The following TRAPPC9 variants were observed in gnomAD, a reference collection of about 807,000 sequenced individuals.
The protein encoded by TRAPPC9 is trafficking protein particle complex subunit 9.
A neutral mutation model predicts 124.0 loss-of-function variants in TRAPPC9; 83 were observed. The observed-to-expected ratio is 0.67, with a 90% confidence interval of 0.56 to 0.80. The LOEUF (loss-of-function observed/expected upper bound fraction) is 0.80. Among genes scored for constraint, TRAPPC9 ranks in the 30% least tolerant of loss-of-function variants. The pLI is 0.00. For missense variants in TRAPPC9, 1,302 were observed against 1,508.3 expected, an observed-to-expected ratio of 0.86 and a Z score of 2.27; for synonymous variants, 638 against 617.5, an observed-to-expected ratio of 1.03 and a Z score of -0.49.
chr8:140,188,493 T>G (rs2062400860), intron 17 of TRAPPC9, among the ~76,000 whole-genome samples: 1 of 152,202 alleles, frequency 6.6e-6, no homozygotes, highest in Non-Finnish European at 1.5e-5. Context: ...ACAAGCTTGT[T>G]TCTATGCACA....
intron 19 of TRAPPC9, among the ~76,000 whole-genome samples, chr8:139,924,373 G>A (rs1425013591): frequency 6.6e-6 from 1 of 152,174 alleles, no homozygotes; most frequent in African/African-American, 2.4e-5. Context: ...CCGGCCACAT[G>A]GAGCTGAAGG....
At chr8:140,407,052 TCA>T (rs1218094784) in intron 5 of TRAPPC9, among the ~76,000 whole-genome samples, 2 of 152,214 alleles carry the variant, frequency 1.3e-5, no homozygotes, top group Non-Finnish European at 2.9e-5. Flanking sequence ...CGACATTTTT[TCA>T]CACTCAGCGG....
At chr8:139,796,356 C>T (rs1489616938) in intron 21 of TRAPPC9, among the ~76,000 whole-genome samples, 3 of 152,320 alleles carry the variant, frequency 2.0e-5, no homozygotes, top group South Asian at 2.1e-4. Flanking sequence ...CCTCACTTTA[C>T]CTGGTAGGTA....
At chr8:140,041,215 A>C (rs1841257612) in intron 17 of TRAPPC9, among the ~76,000 whole-genome samples, 1 of 152,176 alleles carries the variant, frequency 6.6e-6, no homozygotes. Context: ...TGAAGAAGGG[A>C]GATTAGGAGA....
chr8:139,763,173 A>G (rs1158152363), intron 21 of TRAPPC9, among the ~76,000 whole-genome samples: 1 of 152,212 alleles, frequency 6.6e-6, no homozygotes, highest in Non-Finnish European at 1.5e-5. Context: ...TGTCTTCCTA[A>G]TAACTCTGGA....
At chr8:140,331,617 A>AATCATCATCAGC (rs1554669157) in intron 9 of TRAPPC9, among the ~76,000 whole-genome samples, 2 of 150,610 alleles carry the variant, frequency 1.3e-5, no homozygotes, top group Non-Finnish European at 3.0e-5. Context: ...AACAGCAAAA[A>AATCATCATCAGC]ATCATCATCA....
intron 17 of TRAPPC9, among the ~76,000 whole-genome samples, chr8:140,064,826 T>C (rs1842823601): frequency 6.6e-6 from 1 of 152,160 alleles, no homozygotes; most frequent in South Asian, 2.1e-4. Context: ...ATGGCCTGGA[T>C]GTGCTGCTAG....
At chr8:140,155,882 C>G (rs2061619926) in intron 17 of TRAPPC9, among the ~76,000 whole-genome samples, 1 of 152,166 alleles carries the variant, frequency 6.6e-6, no homozygotes, top group South Asian at 2.1e-4. Context: ...AATAACTTAT[C>G]TGAGAGCCAC....
chr8:140,326,073 T>G (rs561401396), intron 9 of TRAPPC9, among the ~76,000 whole-genome samples: 1 of 151,794 alleles, frequency 6.6e-6, no homozygotes, highest in Admixed American at 6.6e-5. Context: ...CAAATGGAAA[T>G]CCGGGTAGTT....
intron 10 of TRAPPC9, among the ~76,000 whole-genome samples, chr8:140,310,506 G>T (rs567178529): frequency 6.6e-6 from 1 of 152,258 alleles, no homozygotes; most frequent in Admixed American, 6.5e-5. Context: ...TAAACCTTTT[G>T]CAGGTCCTAA....
chr8:139,862,444 G>A (rs729855), intron 21 of TRAPPC9, among the ~76,000 whole-genome samples: 15,440 of 152,282 alleles, frequency 0.1, 845 homozygotes, highest in East Asian at 0.24. Flanking sequence ...GCCTTGGGGA[G>A]AGGATGTCAG....
Position 140,186,464 on chromosome 8 carries a change from T to C in TRAPPC9, c.2556+34995A>G, listed in dbSNP as rs1375098342. Among the ~76,000 whole-genome samples, 3 of 152,188 alleles carry C rather than the reference T, an allele frequency of 2.0e-5. 1 individual carries two copies. Among genetic ancestry groups the C allele is most frequent in the Middle Eastern group, 6.8e-3 (2 of 294 alleles). ...AGCTGGGCATGGTGGCGGGCACCTGTAATCCCAGGTACTTGGGTAGCTGAG... is the reference window on the plus strand; with the variant it reads ...AGCTGGGCATGGTGGCGGGCACCTGCAATCCCAGGTACTTGGGTAGCTGAG... On this transcript the variant is annotated intron_variant, in intron 17 of 22. Coordinates refer to ENST00000438773, the MANE Select transcript of TRAPPC9 (RefSeq NM_001160372.4).
chr8:140,061,324 C>A (rs1367338332), intron 17 of TRAPPC9, among the ~76,000 whole-genome samples: 2 of 151,936 alleles, frequency 1.3e-5, no homozygotes, highest in Admixed American at 1.3e-4. Context: ...TCTCTTGCAG[C>A]TCTTGAGGCC....
rs568842765 is a variant in TRAPPC9 at position 140,319,515 on chromosome 8, G to A, written c.1496-8141C>T. ...TTTTGAGACAGGGTCTTGCTCTGTC[G>A]CCTAGGCTGGAGTACAGTGGCGCGA... On this transcript the variant is annotated intron_variant, in intron 9 of 22. Transcript: ENST00000438773. Among the ~76,000 whole-genome samples, 25 of 151,094 alleles carry A rather than the reference G, an allele frequency of 1.7e-4. No homozygotes were observed. In the South Asian group the frequency reaches 2.1e-3, roughly 13 times the overall value.
chr8:140,081,291 C>T (rs1477671092), intron 17 of TRAPPC9, among the ~76,000 whole-genome samples: 2 of 151,566 alleles, frequency 1.3e-5, no homozygotes, highest in Non-Finnish European at 2.9e-5. Context: ...CCAATGTCTT[C>T]TCTTTATTCT....
At chr8:140,330,476 G>A (rs2066867806) in intron 9 of TRAPPC9, among the ~76,000 whole-genome samples, 1 of 152,138 alleles carries the variant, frequency 6.6e-6, no homozygotes, top group Admixed American at 6.5e-5. Context: ...TTTCATATTT[G>A]CTAGTCACTT....
intron 17 of TRAPPC9, among the ~76,000 whole-genome samples, chr8:140,057,125 C>A (rs555902183): frequency 1.3e-5 from 2 of 152,252 alleles, no homozygotes; most frequent in East Asian, 1.9e-4. Flanking sequence ...AAATGCAAAT[C>A]AAAAACATGA....
intron 21 of TRAPPC9, among the ~76,000 whole-genome samples, chr8:139,758,034 C>T (rs1819973188): frequency 6.6e-6 from 1 of 152,210 alleles, no homozygotes; most frequent in South Asian, 2.1e-4. Context: ...GGGCCTGGGC[C>T]TCGTGGAGGC....
At chr8:139,926,623 A>AC (rs1832837403) in intron 19 of TRAPPC9, among the ~76,000 whole-genome samples, 1 of 150,480 alleles carries the variant, frequency 6.6e-6, no homozygotes, top group Admixed American at 6.6e-5. Context: ...AAAAAAAAAA[A>AC]CTCCTGAATA....
Sources: allele counts gnomAD v4.1 joint callset (sites outside exome capture counted in the v4.1 genomes callset), GRCh38; gene constraint gnomAD v4.1.1; transcripts MANE v1.5; gene names NCBI Gene and HGNC (gene_info 2026-07-23, HGNC 2026-07-21).